Variants in PRKG1 observed in about 807,000 individuals in gnomAD.
PRKG1 encodes cGMP-dependent protein kinase 1.
A neutral mutation model predicts 88.1 loss-of-function variants in PRKG1; 35 were observed. The observed-to-expected ratio is 0.40, with a 90% CI of 0.30 to 0.53. The LOEUF (loss-of-function observed/expected upper bound fraction) is 0.53. Ranked by LOEUF, PRKG1 falls within the 20% of genes least tolerant of loss-of-function variation. PRKG1 has a pLI of 0.59. For synonymous variants in PRKG1, 303 were observed against 292.5 expected (o/e 1.04, Z -0.37); for missense variants, 540 against 839.8 (o/e 0.64, Z 4.41).
At chr10:52,067,936 G>A (rs1846395433) in intron 7 of PRKG1, among the ~76,000 whole-genome samples, 2 of 144,916 alleles carry the variant, frequency 1.4e-5, no homozygotes, top group African/African-American at 4.9e-5. Context: ...CGGGCGCAGT[G>A]GCTCACGCCT....
rs140952602 is a variant in PRKG1, at chr10:51,943,856, C to T, written c.762+36286C>T. ...TGAGGTGCTGCTGGATTCTGTTTGC[C>T]AGTATTTTATTGAGGATTTTTGCCT... is the stretch of plus-strand genomic sequence containing the variant. On this transcript the variant is annotated intron_variant, in intron 5 of 17. Coordinates refer to ENST00000373980, the MANE Select transcript of PRKG1 (RefSeq NM_006258.4). Among the ~76,000 whole-genome samples, 1,236 of 152,028 alleles carry T rather than the reference C, an allele frequency of 8.1e-3. 5 individuals are homozygous for T. The highest frequency in any genetic ancestry group is 0.011 in the Non-Finnish European group (749 of 68,010).
At chr10:51,286,122 C>T (rs1840435293) in intron 2 of PRKG1, among the ~76,000 whole-genome samples, 1 of 152,132 alleles carries the variant, frequency 6.6e-6, no homozygotes, top group Non-Finnish European at 1.5e-5. Flanking sequence ...AGGCCTGCCC[C>T]ACCATGCCTG....
intron 9 of PRKG1, among the ~76,000 whole-genome samples, chr10:52,175,623 G>C (rs1210365669): frequency 6.6e-6 from 1 of 152,034 alleles, no homozygotes; most frequent in Non-Finnish European, 1.5e-5. Context: ...CGGTATACAA[G>C]AGTTCCGTTT....
At chr10:51,419,263 T>C (rs1009559883) in intron 2 of PRKG1, among the ~76,000 whole-genome samples, 4 of 152,152 alleles carry the variant, frequency 2.6e-5, no homozygotes, top group African/African-American at 9.7e-5. Context: ...GTGCAGTATA[T>C]CAGTGACAAT....
At chr10:51,698,979 G>C in intron 3 of PRKG1, 1 of 1,614,252 alleles carries the variant, frequency 6.2e-7, no homozygotes, top group Non-Finnish European at 8.5e-7. Context: ...TTCCGATGCA[G>C]AATTTTCAGA....
At position 51,404,451 on chromosome 10, in the gene PRKG1, A is replaced by G. The variant is rs576661286; in HGVS notation, c.479-63272A>G. 5.9e-4 allele frequency among the ~76,000 whole-genome samples: 90 copies of G among 152,340 alleles called. 2 individuals are homozygous for G. The highest frequency in any genetic ancestry group is 1.7e-3 in the South Asian group (8 of 4,830). ...AAAACAAACCCAGCTGGACTGAGCC[A>G]ATTTGTCAAATCTAATTTGGGCCTG... On this transcript the variant is annotated intron_variant, in intron 2 of 17. Transcript: ENST00000373980.
At chr10:51,309,008 T>C (rs917420698) in intron 2 of PRKG1, among the ~76,000 whole-genome samples, 3 of 152,086 alleles carry the variant, frequency 2.0e-5, no homozygotes, top group Non-Finnish European at 4.4e-5. Flanking sequence ...GTTCTAATCC[T>C]GGGGTAATGT....
chr10:51,048,052 TA>T (rs1245094071), intron 1 of PRKG1, among the ~76,000 whole-genome samples: 2 of 152,178 alleles, frequency 1.3e-5, no homozygotes, highest in Non-Finnish European at 2.9e-5. Context: ...TTAGTTTTCA[TA>T]GCACATAGAG....
In PRKG1 at chr10:52,127,961, C is replaced by G. The variant is rs2132624108; in HGVS notation, c.936-5879C>G. On this transcript the variant is annotated intron_variant, in intron 7 of 17. Coordinates refer to ENST00000373980, the MANE Select transcript of PRKG1 (RefSeq NM_006258.4). Reference sequence around the variant, plus strand: ...CAAAAAAGCATAGTCAGATTTACCACCAACTCTACAATTCTTGTTTATAAT... The same window carrying G: ...CAAAAAAGCATAGTCAGATTTACCAGCAACTCTACAATTCTTGTTTATAAT... 3 of 926,924 alleles carry G rather than the reference C, an allele frequency of 3.2e-6. No homozygotes were observed. The South Asian group carries it at 1.5e-4, about 46-fold the overall frequency. 57.4% of individuals were successfully genotyped at this position (926,924 alleles called of 1,614,324 possible). A position where few individuals can be genotyped will look rare whatever the true frequency, so the allele number is the denominator to read the frequency against.
intron 7 of PRKG1, among the ~76,000 whole-genome samples, chr10:52,090,148 G>C (rs1212223250): frequency 1.3e-5 from 2 of 152,026 alleles, no homozygotes; most frequent in Non-Finnish European, 2.9e-5. Flanking sequence ...ACTCCATAAA[G>C]AAACCAGAAC....
chr10:52,171,442 T>G (rs576432992), intron 9 of PRKG1, among the ~76,000 whole-genome samples: 1 of 152,274 alleles, frequency 6.6e-6, no homozygotes, highest in African/African-American at 2.4e-5. Context: ...CCCCATTTTC[T>G]CAGCAATAAA....
intron 12 of PRKG1, among the ~76,000 whole-genome samples, chr10:52,280,559 G>T (rs1182181195): frequency 6.6e-6 from 1 of 152,036 alleles, no homozygotes; most frequent in African/African-American, 2.4e-5. Context: ...AGCCCTTTCA[G>T]TAAGTGAGAT....
chr10:51,349,423 TA>T (rs1412259336), intron 2 of PRKG1, among the ~76,000 whole-genome samples: 2 of 151,548 alleles, frequency 1.3e-5, no homozygotes, highest in African/African-American at 4.8e-5. Flanking sequence ...TCAGAGAAGA[TA>T]AAAAATTGTT....
At chr10:51,214,725 G>T (rs1459390639) in intron 2 of PRKG1, among the ~76,000 whole-genome samples, 6 of 151,740 alleles carry the variant, frequency 4.0e-5, no homozygotes, top group African/African-American at 1.5e-4. Flanking sequence ...CAGTCCTCCC[G>T]CTTGGCCTGC....
At chr10:51,774,575 AT>A (rs1838387806) in intron 3 of PRKG1, among the ~76,000 whole-genome samples, 2 of 152,028 alleles carry the variant, frequency 1.3e-5, no homozygotes, top group African/African-American at 4.8e-5. Context: ...ACACAATAAT[AT>A]TTTTTAATTG....
At position 52,290,207 on chromosome 10, in the gene PRKG1, G is replaced by T; in HGVS notation, c.1896-17G>T. 3 of 1,609,708 alleles carry T rather than the reference G, an allele frequency of 1.9e-6. No homozygotes were observed. The highest frequency in any genetic ancestry group is 2.5e-6 in the Non-Finnish European group (3 of 1,177,374). ...GCTGACACAAAATGTTTTTATCAAC[G>T]TTTTTTCCTTTTCTAGATGGTTTGA... On this transcript the variant is annotated splice_polypyrimidine_tract_variant and intron_variant, in intron 16 of 17. Transcript: ENST00000373980.
At chr10:51,816,273 CCT>C (rs1317194264) in intron 4 of PRKG1, among the ~76,000 whole-genome samples, 1 of 152,074 alleles carries the variant, frequency 6.6e-6, no homozygotes, top group African/African-American at 2.4e-5. Flanking sequence ...CTGGCCTCCC[CCT>C]GAGCCTGGGT....
At chr10:51,546,861 C>A (rs559547606) in intron 3 of PRKG1, among the ~76,000 whole-genome samples, 5 of 152,008 alleles carry the variant, frequency 3.3e-5, no homozygotes, top group Non-Finnish European at 1.5e-5. Context: ...TCAAAAAATG[C>A]CTCCACTTTA....
In PRKG1 at chr10:51,884,315, C is replaced by G. The variant is rs531194879; in HGVS notation, c.699-23192C>G. On this transcript the variant is annotated intron_variant, in intron 4 of 17. Transcript: ENST00000373980. ...CAAAAATTAGCCAGGCGTGGTGGCG[C>G]GCGCCTGTAGTCCCAGCTACACGGG... is the stretch of plus-strand genomic sequence containing the variant. Among the ~76,000 whole-genome samples, 1,331 of 144,440 alleles carry G rather than the reference C, an allele frequency of 9.2e-3. 11 individuals are homozygous for G. The highest frequency in any genetic ancestry group is 0.013 in the Non-Finnish European group (862 of 65,606). The allele number at this position is 144,440 out of a possible 152,430, so 94.8% of individuals were successfully genotyped here.
Sources: allele counts gnomAD v4.1 joint callset (sites outside exome capture counted in the v4.1 genomes callset), GRCh38; gene constraint gnomAD v4.1.1; transcripts MANE v1.5; gene names NCBI Gene and HGNC (gene_info 2026-07-23, HGNC 2026-07-21).